Variants in ANK2 observed in about 807,000 individuals in gnomAD.
ANK2 encodes the protein ankyrin-2.
A neutral mutation model predicts 360.5 loss-of-function variants in ANK2; 83 were observed. The observed-to-expected ratio is 0.23, with a 90% CI of 0.19 to 0.28. ANK2 has a LOEUF of 0.28. ANK2 is among the 10% of genes least tolerant of loss of function. The probability of loss-of-function intolerance (pLI) is 1.00; values close to 1 mark genes in which losing one functional copy is unlikely to be tolerated. For missense variants in ANK2, 4,201 were observed against 4,795.7 expected, an observed-to-expected ratio of 0.88 and a Z score of 3.66; for synonymous variants, 1,740 against 1,759.5, an observed-to-expected ratio of 0.99 and a Z score of 0.28.
At chr4:112,920,041 T>TG (rs2091049253) in intron 2 of ANK2, among the ~76,000 whole-genome samples, 1 of 152,138 alleles carries the variant, frequency 6.6e-6, no homozygotes, top group South Asian at 2.1e-4. Context: ...TCAGATCATT[T>TG]GGTCCAATGA....
chr4:112,894,521 G>A (rs893876898), intron 1 of ANK2, among the ~76,000 whole-genome samples: 2 of 152,160 alleles, frequency 1.3e-5, no homozygotes, highest in Non-Finnish European at 2.9e-5. Flanking sequence ...TGACGATAAT[G>A]GAAGGTTGTA....
At chr4:112,927,111 A>G (rs2092657142) in intron 2 of ANK2, among the ~76,000 whole-genome samples, 1 of 152,146 alleles carries the variant, frequency 6.6e-6, no homozygotes, top group Non-Finnish European at 1.5e-5. Context: ...AACCACCCCC[A>G]TGATTCAAAT....
chr4:112,958,483 ACT>A (rs2032481278), intron 2 of ANK2, among the ~76,000 whole-genome samples: 1 of 152,184 alleles, frequency 6.6e-6, no homozygotes, highest in Non-Finnish European at 1.5e-5. Flanking sequence ...AATCGCAGGC[ACT>A]CGGCAGGCTG....
chr4:113,142,851 G>C (rs1467952828), intron 1 of ANK2, among the ~76,000 whole-genome samples: 1 of 152,046 alleles, frequency 6.6e-6, no homozygotes, highest in Non-Finnish European at 1.5e-5. Flanking sequence ...TCTTAACAAA[G>C]CACTGTAATT....
chr4:113,358,313 A>G lies in ANK2; in HGVS notation c.9695A>G (p.Asp3232Gly), dbSNP rs1486127822. 2.5e-6 allele frequency: 4 copies of G among 1,613,430 alleles called. No individual in the cohort carries two copies. The highest frequency in any genetic ancestry group is 1.3e-5 in the African/African-American group (1 of 74,978). Reference sequence around the variant, plus strand: ...GACCTCCCCACCGTGCAAACGGGTGATATACCTCCTCTCTCTGGTGTAAAG... The same window carrying G: ...GACCTCCCCACCGTGCAAACGGGTGGTATACCTCCTCTCTCTGGTGTAAAG... ...TKDLPTVQTGDIPPLSGVKQI... is the reference protein window; with the variant it reads ...TKDLPTVQTGGIPPLSGVKQI... The change falls in exon 38 of 46, where the codon GAT (aspartate) becomes GGT (glycine). Residue 3232 changes from aspartate (D) to glycine (G), a missense_variant. Physicochemically the swap from Asp to Gly is moderately conservative, Grantham distance 94. This residue lies in a region of ANK2 where 2,642 missense variants were observed against 2,714.5 expected (regional missense o/e 0.97). Transcript: ENST00000357077.
At position 113,292,475 on chromosome 4, in the gene ANK2, C is replaced by T. The variant is rs29341; in HGVS notation, c.2337C>T (p.Val779=). 0.035 allele frequency: 56,602 copies of T among 1,611,660 alleles called. 1,160 individuals carry two copies. Among genetic ancestry groups the T allele is most frequent in the Non-Finnish European group, 0.038 (44,896 of 1,178,814 alleles). ...AGGGTCACACGCACATCATCAACGT[C>T]CTGCTCCAGCATGGGGCCAAGCCCA... The part of the protein sequence containing the change: ...AQQGHTHIIN[V]LLQHGAKPNA... The change falls in exon 21 of 46, where the codon GTC becomes GTT. Residue 779 remains valine (V), a synonymous_variant. Coordinates refer to ENST00000357077, the MANE Select transcript of ANK2 (RefSeq NM_001148.6).
At chr4:113,171,364 T>C (rs1419264432) in intron 1 of ANK2, among the ~76,000 whole-genome samples, 1 of 152,198 alleles carries the variant, frequency 6.6e-6, no homozygotes, top group African/African-American at 2.4e-5. Flanking sequence ...TGTGTCTATG[T>C]GGAAGGGAGA....
At position 113,356,037 on chromosome 4, in the gene ANK2, T is replaced by C. The variant is rs746118762; in HGVS notation, c.7419T>C (p.Pro2473=). ...SPCRDSLESS[P]VEPKMKAGIF... is the part of the protein sequence containing the mutation. Reference sequence around the variant, plus strand: ...GCCGTGACTCTCTGGAAAGCAGCCCTGTTGAACCAAAGATGAAGGCTGGAA... The same window carrying C: ...GCCGTGACTCTCTGGAAAGCAGCCCCGTTGAACCAAAGATGAAGGCTGGAA... Residue 2473 remains proline, a synonymous_variant, in exon 38 of 46, where the codon CCT becomes CCC. Transcript: ENST00000357077. 4 of 1,614,132 alleles carry C rather than the reference T, an allele frequency of 2.5e-6. No homozygotes were observed. In the East Asian group the frequency reaches 6.7e-5, roughly 27 times the overall value.
At chr4:113,167,763 C>A (rs1452415461) in intron 1 of ANK2, among the ~76,000 whole-genome samples, 1 of 152,056 alleles carries the variant, frequency 6.6e-6, no homozygotes, top group African/African-American at 2.4e-5. Flanking sequence ...AACCAAAAGC[C>A]CCTTTCTGAT....
At chr4:113,170,040 T>C (rs1158290835) in intron 1 of ANK2, among the ~76,000 whole-genome samples, 1 of 152,228 alleles carries the variant, frequency 6.6e-6, no homozygotes, top group Non-Finnish European at 1.5e-5. Flanking sequence ...TACAAACTAT[T>C]CTTAATAACT....
chr4:112,889,530 T>C (rs542955018), intron 1 of ANK2, among the ~76,000 whole-genome samples: 3 of 152,080 alleles, frequency 2.0e-5, no homozygotes, highest in East Asian at 3.8e-4. Flanking sequence ...GATGCTTTTT[T>C]AAAAATTTAG....
At chr4:113,298,312 A>C (rs2073048095) in intron 22 of ANK2, among the ~76,000 whole-genome samples, 2 of 152,210 alleles carry the variant, frequency 1.3e-5, no homozygotes, top group African/African-American at 4.8e-5. Flanking sequence ...TTAGAAACAA[A>C]AACAAGTTTA....
chr4:113,038,949 G>A (rs2154311170), intron 2 of ANK2, among the ~76,000 whole-genome samples: 1 of 152,126 alleles, frequency 6.6e-6, no homozygotes, highest in South Asian at 2.1e-4. Context: ...GAATCAGCCA[G>A]GTGAGCCCTT....
chr4:113,277,793 T>C (rs1157428412), intron 15 of ANK2, 44 bp from the exon 16 acceptor site: 1 of 1,498,208 alleles, frequency 6.7e-7, no homozygotes, highest in Admixed American at 1.7e-5. Context: ...TTTGAGGAGT[T>C]ACAACAATAA....
At chr4:113,150,058 CA>C (rs1359374982) in intron 1 of ANK2, among the ~76,000 whole-genome samples, 3 of 151,872 alleles carry the variant, frequency 2.0e-5, no homozygotes, top group Non-Finnish European at 4.4e-5. Flanking sequence ...ATAGGATGCC[CA>C]AGAAGGAGGG....
At chr4:112,744,349 A>ATTT in the ANK2 span, among the ~76,000 whole-genome samples, 1,007 of 140,096 alleles carry the variant, frequency 7.2e-3, 19 homozygotes, top group Middle Eastern at 0.022. Context: ...TTAGGATATG[A>ATTT]TTTTTTTTTT....
intron 4 of ANK2, among the ~76,000 whole-genome samples, chr4:113,207,727 C>T (rs1293644553): frequency 2.7e-5 from 4 of 148,138 alleles, no homozygotes; most frequent in African/African-American, 5.0e-5. Flanking sequence ...AAACATGACA[C>T]GAATTAAACT....
the ANK2 span, among the ~76,000 whole-genome samples, chr4:112,811,764 C>T: frequency 6.6e-6 from 1 of 152,120 alleles, no homozygotes; most frequent in Non-Finnish European, 1.5e-5. Flanking sequence ...TAATAGAGTT[C>T]GCCTTATTAA....
At chr4:113,248,442 G>A (rs140096959) in intron 9 of ANK2, among the ~76,000 whole-genome samples, 2 of 152,182 alleles carry the variant, frequency 1.3e-5, no homozygotes, top group Non-Finnish European at 2.9e-5. Context: ...ACACACAGCC[G>A]GATTTGGGAG....
Sources: gnomAD v4.1 joint callset for allele counts (sites outside exome capture counted in the v4.1 genomes callset) on GRCh38, gnomAD v4.1.1 for gene constraint, gnomAD v4.1.1 regional missense constraint, MANE v1.5 for transcripts, NCBI Gene and HGNC (gene_info 2026-07-23, HGNC 2026-07-21) for gene names.